EPB41L4A: variants seen among roughly 807,000 people sequenced by gnomAD.
EPB41L4A encodes the protein band 4.1-like protein 4A.
EPB41L4A carries 100 observed loss-of-function variants against 108.6 expected under a neutral mutation model. That is an observed-to-expected ratio of 0.92 (90% CI 0.78 to 1.09). The LOEUF (loss-of-function observed/expected upper bound fraction) is 1.09, where lower values mean the gene tolerates loss of function less well. EPB41L4A is among the 50% of genes least tolerant of loss of function. The pLI is 0.00. For missense variants in EPB41L4A, 1,030 were observed against 842.7 expected (o/e 1.22, Z -2.75); for synonymous variants, 319 against 289.0 (o/e 1.10, Z -1.05).
At chr5:112,222,738 G>A (rs763885263) in intron 12 of EPB41L4A, among the ~76,000 whole-genome samples, 2 of 152,144 alleles carry the variant, frequency 1.3e-5, no homozygotes, top group Non-Finnish European at 2.9e-5. Context: ...TGACTCATCT[G>A]CTGGACTGCA....
At chr5:112,282,953 A>G (rs1580604298) in intron 2 of EPB41L4A, among the ~76,000 whole-genome samples, 1 of 152,060 alleles carries the variant, frequency 6.6e-6, no homozygotes, top group Non-Finnish European at 1.5e-5. Flanking sequence ...AATGCTTTTC[A>G]GTCACTAAAG....
Position 112,163,020 on chromosome 5 carries a change from G to T in EPB41L4A, c.*1970C>A, listed in dbSNP as rs893120326. ...GAGAGTGTTACAAAATGAGGCTGAA[G>T]AGGTAGGTAAAGAAGCCAGACCACT... On this transcript the variant is annotated 3_prime_UTR_variant, in exon 23 of 23. Transcript: ENST00000261486. 1.3e-5 allele frequency: 2 copies of T among 152,198 alleles called. 1 individual carries two copies. Among genetic ancestry groups the T allele is most frequent in the South Asian group, 4.1e-4 (2 of 4,824 alleles). The allele number at this position is 152,198 out of a possible 1,614,324, so 9.4% of individuals were successfully genotyped here. A position where few individuals can be genotyped will look rare whatever the true frequency, so the allele number is the denominator to read the frequency against.
intron 1 of EPB41L4A, among the ~76,000 whole-genome samples, chr5:112,389,705 A>T (rs1390223117): frequency 6.6e-6 from 1 of 152,170 alleles, no homozygotes; most frequent in Non-Finnish European, 1.5e-5. Context: ...TCATTGGAAC[A>T]CTTACTCTAC....
At chr5:112,238,208 T>C (rs961397967) in intron 11 of EPB41L4A, among the ~76,000 whole-genome samples, 3 of 152,174 alleles carry the variant, frequency 2.0e-5, no homozygotes, top group Non-Finnish European at 4.4e-5. Context: ...ATGCCACAAC[T>C]GGAAGAACAG....
chr5:112,287,786 T>C (rs905212791), intron 2 of EPB41L4A, among the ~76,000 whole-genome samples: 2 of 152,078 alleles, frequency 1.3e-5, no homozygotes, highest in Non-Finnish European at 2.9e-5. Flanking sequence ...GAGAAAGCTA[T>C]TGGAAACAGA....
At chr5:112,269,894 T>C (rs1388619393) in intron 4 of EPB41L4A, among the ~76,000 whole-genome samples, 2 of 152,202 alleles carry the variant, frequency 1.3e-5, no homozygotes, top group African/African-American at 2.4e-5. Flanking sequence ...TTTTGAGTTA[T>C]AGGTGGGGAG....
chr5:112,290,935 C>A (rs1277139758), intron 2 of EPB41L4A, among the ~76,000 whole-genome samples: 1 of 152,160 alleles, frequency 6.6e-6, no homozygotes, highest in African/African-American at 2.4e-5. Context: ...CACACTGCAG[C>A]CTTGCCCCTT....
intron 18 of EPB41L4A, among the ~76,000 whole-genome samples, chr5:112,176,066 C>T (rs1760845291): frequency 6.6e-6 from 1 of 152,134 alleles, no homozygotes; most frequent in Non-Finnish European, 1.5e-5. Context: ...CAAGGAAAAA[C>T]ACAAATACCT....
At chr5:112,398,549 C>G (rs973385639) in intron 1 of EPB41L4A, among the ~76,000 whole-genome samples, 1 of 152,034 alleles carries the variant, frequency 6.6e-6, no homozygotes, top group Non-Finnish European at 1.5e-5. Context: ...CCACCACACC[C>G]GCTAATTTTT....
chr5:112,239,665 G>A lies in EPB41L4A; in HGVS notation c.960C>T (p.Arg320=). The change falls in exon 11 of 23, where the codon CGC becomes CGT. Residue 320 remains arginine, a synonymous_variant. Transcript: ENST00000261486. ...AGGAAAAAAATGTCATTTACCTGTAGCGGTGCTTATAACGTATGGATCCAA... is the reference window on the plus strand; with the variant it reads ...AGGAAAAAAATGTCATTTACCTGTAACGGTGCTTATAACGTATGGATCCAA... The part of the protein sequence containing the change: ...SKFGSIRYKH[R]YSGRTALQMS... 6.3e-7 allele frequency: 1 copy of A among 1,597,996 alleles called. No individual in the cohort carries two copies. The highest frequency in any genetic ancestry group is 8.5e-7 in the Non-Finnish European group (1 of 1,172,100).
intron 1 of EPB41L4A, among the ~76,000 whole-genome samples, chr5:112,413,968 G>T (rs1762559514): frequency 6.6e-6 from 1 of 152,154 alleles, no homozygotes; most frequent in South Asian, 2.1e-4. Context: ...GTTAAAATTT[G>T]CTGGGTGCTT....
intron 22 of EPB41L4A, 134 bp downstream of exon 22, chr5:112,168,605 A>G: frequency 1.5e-6 from 1 of 668,414 alleles, no homozygotes; most frequent in Non-Finnish European, 2.6e-6. Context: ...ACGTTCTTTT[A>G]AAATACAGAA....
At chr5:112,230,610 G>T (rs570173584) in intron 12 of EPB41L4A, among the ~76,000 whole-genome samples, 4 of 152,020 alleles carry the variant, frequency 2.6e-5, no homozygotes, top group Non-Finnish European at 5.9e-5. Flanking sequence ...TCAGTTCCTC[G>T]TAGATTCTGG....
chr5:112,172,888 C>T (rs945823268), intron 18 of EPB41L4A, among the ~76,000 whole-genome samples: 1 of 152,198 alleles, frequency 6.6e-6, no homozygotes, highest in South Asian at 2.1e-4. Flanking sequence ...CTTGGCCCTA[C>T]TGACATTTTC....
intron 11 of EPB41L4A, among the ~76,000 whole-genome samples, chr5:112,236,388 T>G (rs1314942089): frequency 2.0e-5 from 3 of 152,206 alleles, no homozygotes; most frequent in Admixed American, 2.0e-4. Flanking sequence ...CAAGCCCTGT[T>G]TAAAGCAAAG....
chr5:112,363,928 T>C (rs1461139096), intron 1 of EPB41L4A, among the ~76,000 whole-genome samples: 1 of 152,198 alleles, frequency 6.6e-6, no homozygotes, highest in Non-Finnish European at 1.5e-5. Flanking sequence ...AAATAGTCAA[T>C]AATGAAGTTT....
intron 4 of EPB41L4A, 199 bp downstream of exon 4, chr5:112,275,127 G>A (rs553431678): frequency 1.5e-5 from 8 of 529,628 alleles, no homozygotes; most frequent in South Asian, 5.9e-5. Context: ...CCAGGTTCAC[G>A]CCATTTTCAA....
intron 8 of EPB41L4A, 62 bp downstream of exon 8, chr5:112,259,829 G>T (rs1751368512): frequency 8.5e-7 from 1 of 1,179,714 alleles, no homozygotes; most frequent in Non-Finnish European, 1.3e-6. Flanking sequence ...CTCTTTCACT[G>T]ACACAGGAGT....
At chr5:112,223,137 G>A (rs141967297) in intron 12 of EPB41L4A, among the ~76,000 whole-genome samples, 2,388 of 151,762 alleles carry the variant, frequency 0.016, 60 homozygotes, top group African/African-American at 0.054. Flanking sequence ...ACAGGGTTTC[G>A]TCATGTTGGC....
Sources: gnomAD v4.1 joint callset for allele counts (sites outside exome capture counted in the v4.1 genomes callset) on GRCh38, gnomAD v4.1.1 for gene constraint, MANE v1.5 for transcripts, NCBI Gene and HGNC (gene_info 2026-07-23, HGNC 2026-07-21) for gene names.